DNM2: variants seen among roughly 807,000 people sequenced by gnomAD.
The protein encoded by DNM2 is dynamin-2.
A neutral mutation model predicts 99.0 loss-of-function variants in DNM2; 15 were observed. That is an observed-to-expected ratio of 0.15 (90% confidence interval 0.10 to 0.23). DNM2 has a LOEUF of 0.23. Ranked by LOEUF, DNM2 falls within the 10% of genes least tolerant of loss-of-function variation. The pLI, the probability that DNM2 is intolerant of heterozygous loss-of-function variation, is 1.00. For missense variants in DNM2, 742 were observed against 1,189.4 expected (o/e 0.62, Z 5.53); for synonymous variants, 525 against 481.2 (o/e 1.09, Z -1.19).
chr19:10,738,707 CAAAA>C, intron 1 of DNM2, among the ~76,000 whole-genome samples: 1 of 151,100 alleles, frequency 6.6e-6, no homozygotes, highest in South Asian at 2.1e-4. Flanking sequence ...ATGAAAAATA[CAAAA>C]AAAAGTTAGT....
At chr19:10,782,876 C>T (rs1286617982) in intron 5 of DNM2, 84 bp from the exon 6 acceptor site, 12 of 1,588,772 alleles carry the variant, frequency 7.6e-6, no homozygotes, top group Admixed American at 1.7e-5. Context: ...GGATCCATCT[C>T]TATACTTGAA....
Position 10,772,661 on chromosome 19 carries a change from C to G in DNM2, c.385+33C>G, listed in dbSNP as rs761469023. The G allele has an allele frequency of 5.0e-6, 8 of 1,613,108 alleles. No individual in the cohort carries two copies. The highest frequency in any genetic ancestry group is 6.8e-6 in the Non-Finnish European group (8 of 1,179,932). On this transcript the variant is annotated intron_variant, in intron 3 of 20. Transcript: ENST00000389253. The surrounding 1 kb of genome is among the most constrained non-coding windows in gnomAD (Gnocchi z 4.9). ...GCACGGGTGGGGACCCATCACTGAC[C>G]GTTTCTGGTCGTTCATGGACAGTGC...
chr19:10,805,865 T>C (rs112080431), intron 12 of DNM2, 51 bp from the exon 13 acceptor site: 3 of 1,613,526 alleles, frequency 1.9e-6, no homozygotes, highest in East Asian at 4.5e-5. Flanking sequence ...CTTCCCCTTC[T>C]TCCCCCCCGG....
chr19:10,745,657 A>G (rs900488270), intron 1 of DNM2, among the ~76,000 whole-genome samples: 5 of 152,218 alleles, frequency 3.3e-5, no homozygotes, highest in Non-Finnish European at 2.9e-5. Flanking sequence ...TGATTGCATC[A>G]CTGCACTCCA....
At position 10,759,203 on chromosome 19, in the gene DNM2, A is replaced by T. The variant is rs183113610; in HGVS notation, c.162-535A>T. On this transcript the variant is annotated intron_variant, in intron 1 of 20. Coordinates refer to ENST00000389253, the MANE Select transcript of DNM2 (RefSeq NM_001005361.3). Reference sequence around the variant, plus strand: ...AGTTAATTTTAGTAAACATCACCATAGTCCAGATGTAGAACATTTTCATCA... The same window carrying T: ...AGTTAATTTTAGTAAACATCACCATTGTCCAGATGTAGAACATTTTCATCA... Among the ~76,000 whole-genome samples the T allele has an allele frequency of 9.8e-5, 15 of 152,308 alleles. No individual in the cohort carries two copies. In the East Asian group the frequency reaches 2.9e-3, roughly 29 times the overall value.
intron 1 of DNM2, among the ~76,000 whole-genome samples, chr19:10,738,147 C>T (rs1234769752): frequency 6.6e-6 from 1 of 151,996 alleles, no homozygotes; most frequent in Non-Finnish European, 1.5e-5. Flanking sequence ...AATCCCAGCA[C>T]TTTGGAAGGC....
intron 1 of DNM2, among the ~76,000 whole-genome samples, chr19:10,729,538 G>A (rs1309048355): frequency 1.3e-5 from 2 of 152,136 alleles, no homozygotes; most frequent in African/African-American, 4.8e-5. Flanking sequence ...GAAACAGCAG[G>A]TGCAGAGGCC....
chr19:10,718,114 C>A lies in DNM2; in HGVS notation c.-129C>A. The A allele has an allele frequency of 1.8e-6, 2 of 1,095,308 alleles. No homozygotes were observed. Among genetic ancestry groups the A allele is most frequent in the East Asian group, 3.5e-5 (1 of 28,546 alleles). The allele number at this position is 1,095,308 out of a possible 1,614,324, so 67.8% of individuals were successfully genotyped here. A position where few individuals can be genotyped will look rare whatever the true frequency, so the allele number is the denominator to read the frequency against. On this transcript the variant is annotated 5_prime_UTR_variant, in exon 1 of 21. Transcript: ENST00000389253. ...TGAGGCGGCGACCGTGAGGCCGAGC[C>A]GGGAGCGGGCGTCTTGCCGAGGCCC...
rs1314328918 is a variant in DNM2, at chr19:10,772,032, G to A, written c.236-447G>A. On this transcript the variant is annotated intron_variant, in intron 2 of 20. Transcript: ENST00000389253. This position sits in a 1 kb window ranked among gnomAD's most constrained non-coding sequence, Gnocchi z 4.9. ...TTCACTCCCAAATTCCTAGAGTGAC[G>A]ATGATTGGGTCATTATTTTCTTTTT... Among the ~76,000 whole-genome samples the A allele has an allele frequency of 6.6e-6, 1 of 151,038 alleles. No homozygotes were observed. The highest frequency in any genetic ancestry group is 2.4e-5 in the African/African-American group (1 of 41,086).
At chr19:10,734,429 C>T (rs937040528) in intron 1 of DNM2, among the ~76,000 whole-genome samples, 8 of 150,880 alleles carry the variant, frequency 5.3e-5, no homozygotes, top group African/African-American at 2.0e-4. Context: ...TGCTTGAGCC[C>T]AGGAGTTTTA....
At chr19:10,797,320 G>T in intron 9 of DNM2, 60 bp from the exon 10 acceptor site, 1 of 1,603,986 alleles carries the variant, frequency 6.2e-7, no homozygotes, top group Non-Finnish European at 8.5e-7. Flanking sequence ...TGTCCTGCGT[G>T]TGTGGCCTGC....
At chr19:10,799,177 T>C (rs972003941) in intron 11 of DNM2, among the ~76,000 whole-genome samples, 2 of 152,150 alleles carry the variant, frequency 1.3e-5, no homozygotes, top group African/African-American at 4.8e-5. Flanking sequence ...CAGTAAGTTA[T>C]GGTCGTGCCA....
intron 1 of DNM2, among the ~76,000 whole-genome samples, chr19:10,729,216 G>A (rs1446387221): frequency 6.7e-6 from 1 of 150,312 alleles, no homozygotes; most frequent in East Asian, 1.9e-4. Flanking sequence ...AAGCATGGTG[G>A]CGGGCACCTG....
rs1858812270 is a variant in DNM2 at position 10,816,449 on chromosome 19, A to C, written c.1672-3531A>C. 6.6e-6 allele frequency among the ~76,000 whole-genome samples: 1 copy of C among 151,930 alleles called. No individual in the cohort carries two copies. Among genetic ancestry groups the C allele is most frequent in the Admixed American group, 6.6e-5 (1 of 15,254 alleles). ...GCTTCCAGAACCTCAGATCCAGCGA[A>C]CCTCATGGGGTTGGGATGTGGGAGG... On this transcript the variant is annotated intron_variant, in intron 15 of 20. Coordinates refer to ENST00000389253, the MANE Select transcript of DNM2 (RefSeq NM_001005361.3). This position sits in a 1 kb window ranked among gnomAD's most constrained non-coding sequence, Gnocchi z 4.6.
chr19:10,721,397 T>C (rs1367541804), intron 1 of DNM2, among the ~76,000 whole-genome samples: 1 of 152,184 alleles, frequency 6.6e-6, no homozygotes, highest in Admixed American at 6.6e-5. Flanking sequence ...CCTCAGGTGA[T>C]CCGCCCACCT....
chr19:10,757,958 A>G (rs543403801), intron 1 of DNM2, among the ~76,000 whole-genome samples: 15 of 151,816 alleles, frequency 9.9e-5, no homozygotes, highest in African/African-American at 2.9e-4. Context: ...AAAAAAAAAA[A>G]AAAAAAAGAA....
At chr19:10,721,612 T>C (rs1204789979) in intron 1 of DNM2, among the ~76,000 whole-genome samples, 1 of 152,130 alleles carries the variant, frequency 6.6e-6, no homozygotes, top group Non-Finnish European at 1.5e-5. Flanking sequence ...GGTGCAGTCC[T>C]AGCTCATTGC....
chr19:10,777,293 C>A, intron 5 of DNM2, 77 bp downstream of exon 5: 4 of 1,354,840 alleles, frequency 3.0e-6, no homozygotes, highest in Non-Finnish European at 4.2e-6. Flanking sequence ...GCACCTGTTC[C>A]CTGCCTGCCT....
chr19:10,769,675 G>C (rs541828656), intron 2 of DNM2, among the ~76,000 whole-genome samples: 1 of 152,004 alleles, frequency 6.6e-6, no homozygotes, highest in South Asian at 2.1e-4. Flanking sequence ...AGGAAGAGCG[G>C]CCGAGTGTTT....
Sources: gnomAD v4.1 joint callset for allele counts (sites outside exome capture counted in the v4.1 genomes callset) on GRCh38, gnomAD v4.1.1 for gene constraint, Gnocchi (gnomAD v3.1) non-coding constraint, MANE v1.5 for transcripts, NCBI Gene and HGNC (gene_info 2026-07-23, HGNC 2026-07-21) for gene names.